RC3H2: variants seen among roughly 807,000 people sequenced by gnomAD.
The protein encoded by RC3H2 is roquin-2.
Under a neutral mutation model 133.3 loss-of-function variants are expected in RC3H2, and 31 were observed. The observed-to-expected ratio is 0.23, with a 90% CI of 0.17 to 0.31. The LOEUF is 0.31. RC3H2 is among the 10% of genes least tolerant of loss of function. The pLI is 1.00. For missense variants in RC3H2, 1,175 were observed against 1,437.2 expected (o/e 0.82, Z 2.95); for synonymous variants, 517 against 502.2 (o/e 1.03, Z -0.40).
intron 9 of RC3H2, among the ~76,000 whole-genome samples, chr9:122,873,171 T>C (rs534428583): frequency 1.3e-5 from 2 of 152,362 alleles, no homozygotes; most frequent in South Asian, 2.1e-4. Flanking sequence ...TCTGGTGTTA[T>C]GTGAACTAAG....
At chr9:122,890,781 T>A (rs1832130514) in intron 3 of RC3H2, among the ~76,000 whole-genome samples, 1 of 152,136 alleles carries the variant, frequency 6.6e-6, no homozygotes, top group Non-Finnish European at 1.5e-5. Context: ...TATTTTTTAA[T>A]TGTATATAAG....
chr9:122,873,414 TA>T, intron 9 of RC3H2, among the ~76,000 whole-genome samples: 2 of 152,248 alleles, frequency 1.3e-5, no homozygotes, highest in East Asian at 3.9e-4. Flanking sequence ...GCAGGAAATA[TA>T]AAGATGAAGA....
chr9:122,872,376 G>GT (rs1256225845), intron 9 of RC3H2, among the ~76,000 whole-genome samples: 1 of 152,190 alleles, frequency 6.6e-6, no homozygotes, highest in African/African-American at 2.4e-5. Flanking sequence ...CAATATAGAA[G>GT]TTTAACTTGT....
Position 122,883,460 on chromosome 9 carries a change from T to TA in RC3H2, c.584-82dup, listed in dbSNP as rs988386625. ...GTGTGTCATAGGCATCTTTGGGTAT[T>TA]AGAGTTTATAGTGGCCCATTACCCA... On this transcript the variant is annotated intron_variant, in intron 4 of 20. Coordinates refer to ENST00000357244, the MANE Select transcript of RC3H2 (RefSeq NM_001100588.3). 1.4e-5 allele frequency: 14 copies of TA among 1,034,058 alleles called. No individual in the cohort carries two copies. In the Admixed American group the frequency reaches 1.9e-4, roughly 14 times the overall value. The allele number at this position is 1,034,058 out of a possible 1,614,324, so 64.1% of individuals were successfully genotyped here.
intron 2 of RC3H2, among the ~76,000 whole-genome samples, chr9:122,896,708 A>G (rs1444106587): frequency 6.6e-6 from 1 of 152,092 alleles, no homozygotes; most frequent in Non-Finnish European, 1.5e-5. Context: ...TGCAAAAGTA[A>G]TTGCAGTTTT....
rs1399150234 is a variant in RC3H2, at chr9:122,847,689, A to G, written c.*1938T>C. ...AACATGGTTTAAAACCCTTGTTCCT[A>G]TTCATTTCAGGTTACAGAGTGAAAT... On this transcript the variant is annotated 3_prime_UTR_variant, in exon 21 of 21. Transcript: ENST00000357244. The G allele has an allele frequency of 6.6e-6, 1 of 152,112 alleles. No individual in the cohort carries two copies. 9.4% of individuals were successfully genotyped at this position (152,112 alleles called of 1,614,324 possible).
At chr9:122,901,841 G>A (rs1178524531) in intron 1 of RC3H2, among the ~76,000 whole-genome samples, 2 of 151,418 alleles carry the variant, frequency 1.3e-5, no homozygotes, top group East Asian at 3.9e-4. Context: ...TGCCCACCTT[G>A]GCCTCCCAAA....
intron 1 of RC3H2, among the ~76,000 whole-genome samples, chr9:122,903,284 T>A (rs1588121365): frequency 6.6e-6 from 1 of 152,346 alleles, no homozygotes; most frequent in African/African-American, 2.4e-5. Context: ...GCTTCCTTTT[T>A]CCATCACTAA....
In RC3H2 at chr9:122,905,312, GCCTCCTCCTCCT is replaced by G. The variant is rs796650577; in HGVS notation, c.-282_-271del. The stretch of plus-strand genomic sequence containing the variant: ...GCCTCCTCCTCCTCCCTCCACCTCC[GCCTCCTCCTCCT>G]CCTCCTCCTCACCACGGAGGCGGAC... On this transcript the variant is annotated 5_prime_UTR_variant, in exon 1 of 21. Coordinates refer to ENST00000357244, the MANE Select transcript of RC3H2 (RefSeq NM_001100588.3). 1.0e-6 allele frequency: 1 copy of G among 958,534 alleles called. No homozygotes were observed. The highest frequency in any genetic ancestry group is 1.2e-6 in the Non-Finnish European group (1 of 805,158). 59.4% of individuals were successfully genotyped at this position (958,534 alleles called of 1,614,324 possible).
rs1006078861 is a variant in RC3H2, at chr9:122,853,713, T to C, written c.3117+239A>G. Reference sequence around the variant, plus strand: ...GCTGCAGTGAGCCAAGATCGTGCCATTGCACTCCAGGCGATAGAGCAAGAT... The same window carrying C: ...GCTGCAGTGAGCCAAGATCGTGCCACTGCACTCCAGGCGATAGAGCAAGAT... On this transcript the variant is annotated intron_variant, in intron 18 of 20. Transcript: ENST00000357244. 53 of 1,072,114 alleles carry C rather than the reference T, an allele frequency of 4.9e-5. 1 individual carries two copies. Among genetic ancestry groups the C allele is most frequent in the East Asian group, 4.0e-4 (15 of 37,814 alleles). 66.4% of individuals were successfully genotyped at this position (1,072,114 alleles called of 1,614,324 possible). A position where few individuals can be genotyped will look rare whatever the true frequency, so the allele number is the denominator to read the frequency against.
At chr9:122,856,020 G>T in intron 13 of RC3H2, 142 bp from the exon 14 acceptor site, 1 of 629,118 alleles carries the variant, frequency 1.6e-6, no homozygotes, top group Non-Finnish European at 2.5e-6. Context: ...ATAAAAAACT[G>T]TAATAAGCAA....
chr9:122,868,837 ATATGTGTGTGTGTGTGTG>A lies in RC3H2; in HGVS notation c.1326-3198_1326-3181del, dbSNP rs1410415500. ...ATAATCCTTAACAATATTCCCTCCT[ATATGTGTGTGTGTGTGTG>A]TGTGTGTGTGTGTGTGTGTGTGTGT... is the stretch of plus-strand genomic sequence containing the variant. On this transcript the variant is annotated intron_variant, in intron 9 of 20. Coordinates refer to ENST00000357244, the MANE Select transcript of RC3H2 (RefSeq NM_001100588.3). 7.3e-5 allele frequency among the ~76,000 whole-genome samples: 9 copies of A among 122,930 alleles called. No homozygotes were observed. The South Asian group carries it at 1.1e-3, about 14-fold the overall frequency. The allele number at this position is 122,930 out of a possible 152,430, so 80.6% of individuals were successfully genotyped here. A position where few individuals can be genotyped will look rare whatever the true frequency, so the allele number is the denominator to read the frequency against.
intron 10 of RC3H2, among the ~76,000 whole-genome samples, chr9:122,863,962 C>T (rs745502922): frequency 4.6e-5 from 7 of 152,174 alleles, no homozygotes; most frequent in Non-Finnish European, 8.8e-5. Context: ...GTCTTGAACG[C>T]CCAACCTCAG....
intron 1 of RC3H2, among the ~76,000 whole-genome samples, chr9:122,901,927 T>A (rs909853778): frequency 4.7e-5 from 7 of 147,636 alleles, no homozygotes; most frequent in Non-Finnish European, 7.5e-5. Flanking sequence ...GATAACTACT[T>A]CTTTTTTTTT....
At chr9:122,877,619 G>T in intron 8 of RC3H2, 36 bp from the exon 9 acceptor site, 1 of 1,490,468 alleles carries the variant, frequency 6.7e-7, no homozygotes, top group Non-Finnish European at 9.4e-7. Flanking sequence ...GAGTGGCAAG[G>T]TGAAGATTCC....
At chr9:122,858,585 G>T (rs894402225) in intron 12 of RC3H2, 84 bp downstream of exon 12, 1 of 1,106,138 alleles carries the variant, frequency 9.0e-7, no homozygotes, top group Admixed American at 2.1e-5. Flanking sequence ...ATTAGTAAGT[G>T]GAGGAGCCAG....
At chr9:122,903,996 T>C (rs1196785958) in intron 1 of RC3H2, among the ~76,000 whole-genome samples, 2 of 152,200 alleles carry the variant, frequency 1.3e-5, no homozygotes, top group African/African-American at 2.4e-5. Flanking sequence ...TGGCTAACAT[T>C]TGTTTCTTTG....
At chr9:122,868,746 A>G (rs1200090229) in intron 9 of RC3H2, among the ~76,000 whole-genome samples, 1 of 144,798 alleles carries the variant, frequency 6.9e-6, no homozygotes, top group African/African-American at 2.5e-5. Context: ...AATAAAAAAT[A>G]AATAAATAAA....
chr9:122,870,377 AAAACAAACAAACAAACAAAC>A lies in RC3H2; in HGVS notation c.1326-4740_1326-4721del, dbSNP rs141668736. On this transcript the variant is annotated intron_variant, in intron 9 of 20. Coordinates refer to ENST00000357244, the MANE Select transcript of RC3H2 (RefSeq NM_001100588.3). ...CCGACAGAGCAAGACTCTGTCTCCA[AAAACAAACAAACAAACAAAC>A]AAACAAACAAACAAACAAAAAAAAA... Among the ~76,000 whole-genome samples the A allele has an allele frequency of 5.9e-3, 734 of 123,646 alleles. 4 individuals are homozygous for A. The highest frequency in any genetic ancestry group is 0.019 in the African/African-American group (687 of 35,788). The allele number at this position is 123,646 out of a possible 152,430, so 81.1% of individuals were successfully genotyped here. A position where few individuals can be genotyped will look rare whatever the true frequency, so the allele number is the denominator to read the frequency against.
Sources: gnomAD v4.1 joint callset for allele counts (sites outside exome capture counted in the v4.1 genomes callset) on GRCh38, gnomAD v4.1.1 for gene constraint, MANE v1.5 for transcripts, NCBI Gene and HGNC (gene_info 2026-07-23, HGNC 2026-07-21) for gene names.